Variants in SH3GL2 observed in about 807,000 individuals in gnomAD.
SH3GL2 encodes the protein endophilin-A1.
A neutral mutation model predicts 46.0 loss-of-function variants in SH3GL2; 24 were observed. That is an observed-to-expected ratio of 0.52 (90% CI 0.38 to 0.73). The LOEUF (loss-of-function observed/expected upper bound fraction) is 0.73. Ranked by LOEUF, SH3GL2 falls within the 30% of genes least tolerant of loss-of-function variation. The probability of loss-of-function intolerance (pLI) is 0.00; values close to 1 mark genes in which losing one functional copy is unlikely to be tolerated. For missense variants in SH3GL2, 413 were observed against 424.2 expected, an observed-to-expected ratio of 0.97 and a Z score of 0.23; for synonymous variants, 196 against 147.1, an observed-to-expected ratio of 1.33 and a Z score of -2.40.
chr9:17,702,284 A>G (rs1469806152), intron 1 of SH3GL2, among the ~76,000 whole-genome samples: 1 of 152,156 alleles, frequency 6.6e-6, no homozygotes, highest in Non-Finnish European at 1.5e-5. Context: ...TTAAATGTTA[A>G]TGAATGAAAT....
intron 1 of SH3GL2, among the ~76,000 whole-genome samples, chr9:17,720,888 G>T (rs1014952248): frequency 6.6e-6 from 1 of 152,068 alleles, no homozygotes; most frequent in South Asian, 2.1e-4. Flanking sequence ...GACAATTATC[G>T]TTTGCTGCAG....
chr9:17,741,147 T>G (rs1040223499), intron 1 of SH3GL2, among the ~76,000 whole-genome samples: 13 of 152,200 alleles, frequency 8.5e-5, no homozygotes, highest in Non-Finnish European at 1.6e-4. Flanking sequence ...CTATGCATAC[T>G]TAATTTATAG....
At chr9:17,626,308 C>A (rs1226852523) in intron 1 of SH3GL2, among the ~76,000 whole-genome samples, 2 of 152,192 alleles carry the variant, frequency 1.3e-5, no homozygotes, top group Non-Finnish European at 2.9e-5. Context: ...ATGGCAGGAG[C>A]ATGTTGCGGG....
At position 17,784,401 on chromosome 9, in the gene SH3GL2, A is replaced by G. The variant is rs148533099; in HGVS notation, c.188-1980A>G. Among the ~76,000 whole-genome samples, 87 of 152,274 alleles carry G rather than the reference A, an allele frequency of 5.7e-4. 1 individual carries two copies. Among genetic ancestry groups the G allele is most frequent in the African/African-American group, 1.9e-3 (77 of 41,558 alleles). Reference sequence around the variant, plus strand: ...GCATCCTTAAATGTAAAATGGCCTGAATAGGATTTGTAGGGATTAACTCAT... The same window carrying G: ...GCATCCTTAAATGTAAAATGGCCTGGATAGGATTTGTAGGGATTAACTCAT... On this transcript the variant is annotated intron_variant, in intron 3 of 8. Coordinates refer to ENST00000380607, the MANE Select transcript of SH3GL2 (RefSeq NM_003026.5).
chr9:17,762,715 A>G (rs997993687), intron 3 of SH3GL2, among the ~76,000 whole-genome samples: 1 of 152,224 alleles, frequency 6.6e-6, no homozygotes, highest in African/African-American at 2.4e-5. Context: ...TACATTTTCA[A>G]ATGCTTAGCA....
chr9:17,777,462 C>A (rs1823672799), intron 3 of SH3GL2, among the ~76,000 whole-genome samples: 1 of 152,082 alleles, frequency 6.6e-6, no homozygotes, highest in Non-Finnish European at 1.5e-5. Flanking sequence ...CTCCCAAATT[C>A]ATTTCATTTT....
At chr9:17,615,779 T>C (rs1818980002) in intron 1 of SH3GL2, among the ~76,000 whole-genome samples, 1 of 150,864 alleles carries the variant, frequency 6.6e-6, no homozygotes, top group African/African-American at 2.4e-5. Flanking sequence ...TTCATTAACA[T>C]AATTCTGTAT....
In SH3GL2 at chr9:17,654,215, C is replaced by G. The variant is rs934670981; in HGVS notation, c.45+74928C>G. 1.9e-4 allele frequency among the ~76,000 whole-genome samples: 29 copies of G among 152,294 alleles called. No individual in the cohort carries two copies. In the South Asian group the frequency reaches 5.0e-3, roughly 26 times the overall value. ...TGCTCCTGTTTCTCTCCACTGACCA[C>G]TCCTGTGCTGCCGAAGACTGAATCA... is the stretch of plus-strand genomic sequence containing the variant. On this transcript the variant is annotated intron_variant, in intron 1 of 8. Coordinates refer to ENST00000380607, the MANE Select transcript of SH3GL2 (RefSeq NM_003026.5).
intron 1 of SH3GL2, among the ~76,000 whole-genome samples, chr9:17,733,995 C>G (rs1354228322): frequency 1.3e-5 from 2 of 152,002 alleles, no homozygotes; most frequent in Non-Finnish European, 2.9e-5. Flanking sequence ...TACTAAAGAA[C>G]TCTGGTAACA....
chr9:17,599,786 A>G (rs973585843), intron 1 of SH3GL2, among the ~76,000 whole-genome samples: 2 of 152,202 alleles, frequency 1.3e-5, no homozygotes, highest in African/African-American at 4.8e-5. Flanking sequence ...AACTAGGGTC[A>G]CAATGTTAAT....
chr9:17,757,380 G>T (rs1328528633), intron 2 of SH3GL2, among the ~76,000 whole-genome samples: 1 of 152,174 alleles, frequency 6.6e-6, no homozygotes, highest in Non-Finnish European at 1.5e-5. Context: ...GCAACCTACA[G>T]AATGGGAGAA....
At chr9:17,785,881 T>C in intron 3 of SH3GL2, among the ~76,000 whole-genome samples, 1 of 152,188 alleles carries the variant, frequency 6.6e-6, no homozygotes, top group East Asian at 1.9e-4. Context: ...AATAGTTCTG[T>C]TTCATACATG....
chr9:17,764,039 T>G (rs1231512728), intron 3 of SH3GL2, among the ~76,000 whole-genome samples: 1 of 152,208 alleles, frequency 6.6e-6, no homozygotes, highest in African/African-American at 2.4e-5. Flanking sequence ...ATGACATTTT[T>G]AATACAATAT....
intron 1 of SH3GL2, among the ~76,000 whole-genome samples, chr9:17,658,575 A>G (rs939625280): frequency 2.0e-5 from 3 of 152,280 alleles, no homozygotes; most frequent in East Asian, 1.9e-4. Context: ...ATACAAAAGC[A>G]TAAAATAACA....
intron 1 of SH3GL2, among the ~76,000 whole-genome samples, chr9:17,652,299 C>T (rs959013138): frequency 1.3e-5 from 2 of 151,900 alleles, no homozygotes; most frequent in African/African-American, 4.8e-5. Flanking sequence ...CTCATTTCTT[C>T]TTTAAATCAT....
chr9:17,689,358 C>G (rs1375951485), intron 1 of SH3GL2, among the ~76,000 whole-genome samples: 1 of 151,950 alleles, frequency 6.6e-6, no homozygotes, highest in Non-Finnish European at 1.5e-5. Context: ...AAAAAAATGG[C>G]CACTAGGTAA....
At chr9:17,773,277 T>G (rs891588638) in intron 3 of SH3GL2, among the ~76,000 whole-genome samples, 1 of 152,134 alleles carries the variant, frequency 6.6e-6, no homozygotes, top group Non-Finnish European at 1.5e-5. Flanking sequence ...TTACTCAGTT[T>G]CTAGTGTCTT....
chr9:17,630,154 A>G lies in SH3GL2; in HGVS notation c.45+50867A>G, dbSNP rs77768265. On this transcript the variant is annotated intron_variant, in intron 1 of 8. Coordinates refer to ENST00000380607, the MANE Select transcript of SH3GL2 (RefSeq NM_003026.5). ...GAATCTAACATATAATTAGAATTCA[A>G]TGAATATTTTTGAGCAATAAGTGAG... 1.2e-4 allele frequency among the ~76,000 whole-genome samples: 19 copies of G among 152,352 alleles called. No individual in the cohort carries two copies. The East Asian group carries it at 3.5e-3, about 28-fold the overall frequency.
At position 17,768,622 on chromosome 9, in the gene SH3GL2, T is replaced by G. The variant is rs575814029; in HGVS notation, c.187+7113T>G. Among the ~76,000 whole-genome samples, 7 of 152,200 alleles carry G rather than the reference T, an allele frequency of 4.6e-5. No individual in the cohort carries two copies. The East Asian group carries it at 1.4e-3, about 30-fold the overall frequency. ...GTTCACTCTGTGGCCTTTAGTTTCT[T>G]CAATTCCTCAAGTTCTTTGCTGTAT... is the stretch of plus-strand genomic sequence containing the variant. On this transcript the variant is annotated intron_variant, in intron 3 of 8. Coordinates refer to ENST00000380607, the MANE Select transcript of SH3GL2 (RefSeq NM_003026.5).
Sources: allele counts gnomAD v4.1 joint callset (sites outside exome capture counted in the v4.1 genomes callset), GRCh38; gene constraint gnomAD v4.1.1; transcripts MANE v1.5; gene names NCBI Gene and HGNC (gene_info 2026-07-23, HGNC 2026-07-21).